Variants in ARHGAP24 observed in about 807,000 individuals in gnomAD.
ARHGAP24 encodes Rho GTPase activating protein 24, also known as rho GTPase-activating protein 24.
Under a neutral mutation model 76.4 loss-of-function variants are expected in ARHGAP24, and 50 were observed. That is an observed-to-expected ratio of 0.65 (90% CI 0.52 to 0.83). The LOEUF (loss-of-function observed/expected upper bound fraction) is 0.83, where lower values mean the gene tolerates loss of function less well. Among genes scored for constraint, ARHGAP24 ranks in the 40% least tolerant of loss-of-function variants. ARHGAP24 has a pLI of 0.00. For missense variants in ARHGAP24, 930 were observed against 914.2 expected (o/e 1.02, Z -0.22); for synonymous variants, 345 against 323.3 (o/e 1.07, Z -0.72).
chr4:85,986,967 CA>C (rs1367136720), intron 8 of ARHGAP24, among the ~76,000 whole-genome samples: 1 of 151,872 alleles, frequency 6.6e-6, no homozygotes, highest in African/African-American at 2.4e-5. Context: ...GGATGAATAC[CA>C]GGAGCATAAG....
At chr4:85,897,318 C>T (rs938075122) in intron 3 of ARHGAP24, among the ~76,000 whole-genome samples, 1 of 152,260 alleles carries the variant, frequency 6.6e-6, no homozygotes, top group African/African-American at 2.4e-5. Context: ...ACAGTCTGCA[C>T]ACAAATATAT....
At chr4:85,909,975 C>T (rs987225061) in intron 3 of ARHGAP24, among the ~76,000 whole-genome samples, 2 of 152,162 alleles carry the variant, frequency 1.3e-5, no homozygotes, top group African/African-American at 4.8e-5. Flanking sequence ...CACTACTGGC[C>T]TGGATCCCAC....
intron 3 of ARHGAP24, chr4:85,723,763 C>A (rs1725048200): frequency 6.6e-6 from 1 of 152,180 alleles, no homozygotes; most frequent in Admixed American, 6.5e-5. Context: ...CAAAGCACTA[C>A]ATTGAGAATC....
chr4:85,690,918 T>C (rs1723630687), intron 2 of ARHGAP24, among the ~76,000 whole-genome samples: 1 of 152,124 alleles, frequency 6.6e-6, no homozygotes, highest in African/African-American at 2.4e-5. Flanking sequence ...TTATTCTGGT[T>C]CTTTTAGGTG....
intron 5 of ARHGAP24, among the ~76,000 whole-genome samples, chr4:85,954,127 A>G (rs1288377436): frequency 6.6e-6 from 1 of 152,230 alleles, no homozygotes; most frequent in African/African-American, 2.4e-5. Context: ...TGCCCCAAAC[A>G]TAACAAGAAA....
At chr4:85,533,553 A>T (rs1299559882) in intron 1 of ARHGAP24, among the ~76,000 whole-genome samples, 1 of 152,178 alleles carries the variant, frequency 6.6e-6, no homozygotes, top group African/African-American at 2.4e-5. Context: ...GTGTTTCATT[A>T]GCTTTAGAGG....
chr4:85,764,905 A>C (rs1346626350), intron 3 of ARHGAP24, among the ~76,000 whole-genome samples: 1 of 152,146 alleles, frequency 6.6e-6, no homozygotes, highest in African/African-American at 2.4e-5. Context: ...GTTTAAACAA[A>C]CCAGTATACT....
chr4:85,751,623 A>C lies in ARHGAP24; in HGVS notation c.268+29651A>C, dbSNP rs560488755. On this transcript the variant is annotated intron_variant, in intron 3 of 9. Coordinates refer to ENST00000395184, the MANE Select transcript of ARHGAP24 (RefSeq NM_001025616.3). ...AGACAAGTAAATGTCTTGGATGCTA[A>C]GCTCTGCTGGATAAAATGAGAAAAC... is the stretch of plus-strand genomic sequence containing the variant. 2.0e-5 allele frequency among the ~76,000 whole-genome samples: 3 copies of C among 152,350 alleles called. No individual in the cohort carries two copies. The South Asian group carries it at 6.2e-4, about 32-fold the overall frequency.
chr4:85,743,152 C>G (rs1356264948), intron 3 of ARHGAP24, among the ~76,000 whole-genome samples: 2 of 151,612 alleles, frequency 1.3e-5, no homozygotes, highest in Non-Finnish European at 2.9e-5. Flanking sequence ...ACAGTGTTGT[C>G]AAATTATCAT....
intron 2 of ARHGAP24, among the ~76,000 whole-genome samples, chr4:85,632,719 T>C (rs1721196288): frequency 6.6e-6 from 1 of 151,748 alleles, no homozygotes; most frequent in Non-Finnish European, 1.5e-5. Flanking sequence ...AATGAAATGT[T>C]TGCCTCTCCA....
chr4:85,897,750 G>T (rs1734266369), intron 3 of ARHGAP24, among the ~76,000 whole-genome samples: 1 of 151,516 alleles, frequency 6.6e-6, no homozygotes, highest in African/African-American at 2.4e-5. Flanking sequence ...TTTTCCCATT[G>T]CTTATTGCAT....
chr4:85,661,989 T>G (rs1722407591), intron 2 of ARHGAP24, among the ~76,000 whole-genome samples: 1 of 152,236 alleles, frequency 6.6e-6, no homozygotes, highest in East Asian at 1.9e-4. Context: ...CGTGTGCATG[T>G]GTCTTTATAG....
Position 85,479,169 on chromosome 4 carries a change from A to C in ARHGAP24, c.-21+3610A>C, listed in dbSNP as rs1306284312. On this transcript the variant is annotated intron_variant, in intron 1 of 9. Coordinates refer to ENST00000395184, the MANE Select transcript of ARHGAP24 (RefSeq NM_001025616.3). ...GTCTTAGAGTTCATTTTCCAAATATAACAATGCTACAAAACATAATCCACT... is the reference window on the plus strand; with the variant it reads ...GTCTTAGAGTTCATTTTCCAAATATCACAATGCTACAAAACATAATCCACT... Among the ~76,000 whole-genome samples, 19 of 152,352 alleles carry C rather than the reference A, an allele frequency of 1.2e-4. No individual in the cohort carries two copies. The East Asian group carries it at 3.3e-3, about 26-fold the overall frequency.
Position 85,851,272 on chromosome 4 carries a change from C to G in ARHGAP24, c.269-72376C>G, listed in dbSNP as rs1431495045. On this transcript the variant is annotated intron_variant, in intron 3 of 9. Transcript: ENST00000395184. ...TTTTATCAGAGACTATGACAGCAAT[C>G]CCTGCTTTTTTTGCTTTTCATTTGC... is the stretch of plus-strand genomic sequence containing the variant. Among the ~76,000 whole-genome samples the G allele has an allele frequency of 5.3e-5, 8 of 152,254 alleles. No homozygotes were observed. In the East Asian group the frequency reaches 1.5e-3, roughly 29 times the overall value.
intron 8 of ARHGAP24, 21 bp downstream of exon 8, chr4:85,977,712 T>C: frequency 6.2e-7 from 1 of 1,611,840 alleles, no homozygotes; most frequent in Non-Finnish European, 8.5e-7. Flanking sequence ...GATTATCTTA[T>C]ACCCTTATCA....
rs28384086 is a variant in ARHGAP24 at position 85,811,620 on chromosome 4, C to T, written c.268+89648C>T. Among the ~76,000 whole-genome samples, 1,388 of 152,196 alleles carry T rather than the reference C, an allele frequency of 9.1e-3. 18 individuals carry two copies. Among genetic ancestry groups the T allele is most frequent in the African/African-American group, 0.031 (1,303 of 41,526 alleles). On this transcript the variant is annotated intron_variant, in intron 3 of 9. Transcript: ENST00000395184. ...ATTTTATCCCACTGATAATGGAACACAAATAGAAACTTTTTATAATGAAGA... is the reference window on the plus strand; with the variant it reads ...ATTTTATCCCACTGATAATGGAACATAAATAGAAACTTTTTATAATGAAGA...
intron 3 of ARHGAP24, among the ~76,000 whole-genome samples, chr4:85,900,808 G>A (rs1490604190): frequency 6.6e-6 from 1 of 152,162 alleles, no homozygotes; most frequent in African/African-American, 2.4e-5. Context: ...AGGGCTGGTG[G>A]TTTTGCGTTG....
chr4:85,888,903 G>A (rs1733726810), intron 3 of ARHGAP24, among the ~76,000 whole-genome samples: 1 of 152,110 alleles, frequency 6.6e-6, no homozygotes, highest in South Asian at 2.1e-4. Flanking sequence ...ATGTTAGTTT[G>A]CTAAGGATAA....
chr4:85,680,592 G>A (rs1048541036), intron 2 of ARHGAP24, among the ~76,000 whole-genome samples: 2 of 152,028 alleles, frequency 1.3e-5, no homozygotes, highest in African/African-American at 4.8e-5. Context: ...CCTGTAGAGT[G>A]TGAGATAATG....
Sources: allele counts gnomAD v4.1 joint callset (sites outside exome capture counted in the v4.1 genomes callset), GRCh38; gene constraint gnomAD v4.1.1; transcripts MANE v1.5; gene names NCBI Gene and HGNC (gene_info 2026-07-23, HGNC 2026-07-21).